The following UHRF1 variants were observed in gnomAD, a reference collection of about 807,000 sequenced individuals.
UHRF1 encodes the protein ubiquitin like with PHD and ring finger domains 1.
A neutral mutation model predicts 96.5 loss-of-function variants in UHRF1; 9 were observed. That is an observed-to-expected ratio of 0.09 (90% CI 0.06 to 0.16). UHRF1 has a LOEUF of 0.16. Among genes scored for constraint, UHRF1 ranks in the 10% least tolerant of loss-of-function variants. UHRF1 has a pLI of 1.00. For synonymous variants in UHRF1, 455 were observed against 469.9 expected, an observed-to-expected ratio of 0.97 and a Z score of 0.41; for missense variants, 626 against 1,131.1, an observed-to-expected ratio of 0.55 and a Z score of 6.40.
chr19:4,957,297 G>GTTT lies in UHRF1; in HGVS notation c.2235+509_2235+511dup, dbSNP rs59654364. Among the ~76,000 whole-genome samples the GTTT allele has an allele frequency of 3.3e-3, 171 of 51,098 alleles. 11 individuals are homozygous for GTTT. Among genetic ancestry groups the GTTT allele is most frequent in the African/African-American group, 0.012 (158 of 12,924 alleles). The allele number at this position is 51,098 out of a possible 152,430, so 33.5% of individuals were successfully genotyped here. A position where few individuals can be genotyped will look rare whatever the true frequency, so the allele number is the denominator to read the frequency against. On this transcript the variant is annotated intron_variant, in intron 16 of 16. Transcript: ENST00000650932. Reference sequence around the variant, plus strand: ...GAGGGACACAAGATCCCAGCTGATGGTTTTTTTTTTTTTTTTTTTTTTTTT... The same window carrying GTTT: ...GAGGGACACAAGATCCCAGCTGATGGTTTTTTTTTTTTTTTTTTTTTTTTTTTT...
chr19:4,915,806 A>C (rs2032477106), intron 2 of UHRF1, among the ~76,000 whole-genome samples: 1 of 152,236 alleles, frequency 6.6e-6, no homozygotes. Context: ...TGCATACTTT[A>C]ATCCAGCCTC....
upstream of UHRF1, among the ~76,000 whole-genome samples, chr19:4,907,041 C>T (rs939015671): frequency 6.6e-6 from 1 of 152,176 alleles, no homozygotes; most frequent in Non-Finnish European, 1.5e-5. Context: ...ATCTGGACAT[C>T]GTGGATTAGA....
chr19:4,903,938 A>G (rs1318425401), intron 1 of UHRF1, among the ~76,000 whole-genome samples: 1 of 152,118 alleles, frequency 6.6e-6, no homozygotes, highest in Non-Finnish European at 1.5e-5. Context: ...TAATCTGAAC[A>G]TCGACACCAT....
intron 2 of UHRF1, 97 bp from the exon 3 acceptor site, chr19:4,929,125 A>T: frequency 6.9e-7 from 1 of 1,446,336 alleles, no homozygotes; most frequent in Non-Finnish European, 9.4e-7. Flanking sequence ...CCCCCCCCAC[A>T]AGGGCTGGGA....
At chr19:4,926,840 G>A (rs377471589) in intron 2 of UHRF1, among the ~76,000 whole-genome samples, 1 of 152,048 alleles carries the variant, frequency 6.6e-6, no homozygotes. Context: ...TGAGGTGGGC[G>A]GATCACGAGG....
intron 7 of UHRF1, among the ~76,000 whole-genome samples, chr19:4,942,179 T>G (rs1471051971): frequency 6.6e-6 from 1 of 151,788 alleles, no homozygotes; most frequent in East Asian, 1.9e-4. Flanking sequence ...GACGGAGTCT[T>G]TTTTCTTTTC....
intron 2 of UHRF1, among the ~76,000 whole-genome samples, chr19:4,921,933 A>T (rs760358173): frequency 3.0e-4 from 45 of 152,076 alleles, no homozygotes; most frequent in Admixed American, 1.3e-4. Flanking sequence ...TAAAAACTCG[A>T]TTTTTATTTT....
upstream of UHRF1, among the ~76,000 whole-genome samples, chr19:4,908,401 G>A (rs976809729): frequency 6.6e-6 from 1 of 152,038 alleles, no homozygotes; most frequent in Non-Finnish European, 1.5e-5. Flanking sequence ...AGCTCTCAAG[G>A]GAAAGACCAA....
At chr19:4,912,930 T>C (rs924528951) in intron 2 of UHRF1, among the ~76,000 whole-genome samples, 8 of 152,040 alleles carry the variant, frequency 5.3e-5, no homozygotes, top group Admixed American at 6.6e-5. Flanking sequence ...TGGCTAGTTT[T>C]TGTATCTTTT....
chr19:4,934,584 CTGAGTGTGATGTCCT>C (rs528019581), intron 5 of UHRF1, among the ~76,000 whole-genome samples: 1 of 152,308 alleles, frequency 6.6e-6, no homozygotes, highest in South Asian at 2.1e-4. Context: ...ACTGACGTCA[CTGAGTGTGATGTCCT>C]TGAGGTGCAT....
intron 10 of UHRF1, 70 bp from the exon 11 acceptor site, chr19:4,947,035 C>G (rs2033586579): frequency 5.7e-6 from 7 of 1,237,834 alleles, no homozygotes; most frequent in Admixed American, 2.1e-5. Flanking sequence ...GGGGAGTTTG[C>G]TTTCAATGCA....
chr19:4,940,021 C>CAAAAAAA (rs529825403), intron 5 of UHRF1, among the ~76,000 whole-genome samples: 19 of 72,636 alleles, frequency 2.6e-4, no homozygotes, highest in African/African-American at 8.9e-4. Context: ...GAGACTGTCT[C>CAAAAAAA]AAAAAAAAAA....
chr19:4,934,498 C>A (rs2033159138), intron 5 of UHRF1, among the ~76,000 whole-genome samples: 1 of 152,196 alleles, frequency 6.6e-6, no homozygotes, highest in Non-Finnish European at 1.5e-5. Flanking sequence ...ATCCTACTTT[C>A]CATCTCTGTG....
chr19:4,932,580 G>A, intron 4 of UHRF1, 161 bp from the exon 5 acceptor site: 1 of 710,234 alleles, frequency 1.4e-6, no homozygotes, highest in Middle Eastern at 3.0e-4. Flanking sequence ...TACCTGGAAT[G>A]TGCCTTAATA....
Position 4,930,742 on chromosome 19 carries a change from C to T in UHRF1, c.435C>T (p.Asp145=), listed in dbSNP as rs752858759. The T allele has an allele frequency of 6.2e-7, 1 of 1,613,936 alleles. No individual in the cohort carries two copies. The highest frequency in any genetic ancestry group is 1.1e-5 in the South Asian group (1 of 91,086). ...YKVNEYVDAR[D]TNMGAWFEAQ... Reference sequence around the variant, plus strand: ...TCAATGAGTACGTCGATGCTCGGGACACGAACATGGGGGCGTGGTTTGAGG... The same window carrying T: ...TCAATGAGTACGTCGATGCTCGGGATACGAACATGGGGGCGTGGTTTGAGG... The change falls in exon 4 of 17, where the codon GAC becomes GAT. Residue 145 remains aspartate, a synonymous_variant. Transcript: ENST00000650932. This position sits in a 1 kb window ranked among gnomAD's most constrained non-coding sequence, Gnocchi z 4.4.
At chr19:4,917,981 T>C (rs1568409360) in intron 2 of UHRF1, among the ~76,000 whole-genome samples, 1 of 152,048 alleles carries the variant, frequency 6.6e-6, no homozygotes, top group East Asian at 1.9e-4. Flanking sequence ...ACAATGCCCA[T>C]GTTACAAAAT....
In UHRF1 at chr19:4,930,736, T is replaced by G. The variant is rs1442594870; in HGVS notation, c.429T>G (p.Ala143=). The G allele has an allele frequency of 6.2e-7, 1 of 1,613,804 alleles. No individual in the cohort carries two copies. Among genetic ancestry groups the G allele is most frequent in the East Asian group, 2.2e-5 (1 of 44,876 alleles). ...CACAGGTCAATGAGTACGTCGATGC[T>G]CGGGACACGAACATGGGGGCGTGGT... The part of the protein sequence containing the change: ...GLYKVNEYVD[A]RDTNMGAWFE... Residue 143 remains alanine, a synonymous_variant, in exon 4 of 17, where the codon GCT becomes GCG. Coordinates refer to ENST00000650932, the MANE Select transcript of UHRF1 (RefSeq NM_001048201.3). This position sits in a 1 kb window ranked among gnomAD's most constrained non-coding sequence, Gnocchi z 4.4.
intron 2 of UHRF1, among the ~76,000 whole-genome samples, chr19:4,918,296 AT>A (rs1183668470): frequency 6.6e-6 from 1 of 151,090 alleles, no homozygotes; most frequent in African/African-American, 2.4e-5. Context: ...ATTTTTTTGT[AT>A]TTTTAGTAGA....
chr19:4,942,031 C>T (rs1367983058), intron 7 of UHRF1, 100 bp downstream of exon 7: 2 of 1,281,396 alleles, frequency 1.6e-6, no homozygotes, highest in Middle Eastern at 2.0e-4. Flanking sequence ...CGCGGGGGCT[C>T]ACGCCTGCAA....
Sources: allele counts gnomAD v4.1 joint callset (sites outside exome capture counted in the v4.1 genomes callset), GRCh38; gene constraint gnomAD v4.1.1; non-coding constraint Gnocchi (gnomAD v3.1); transcripts MANE v1.5; gene names NCBI Gene and HGNC (gene_info 2026-07-23, HGNC 2026-07-21).